BACH2: variants seen among roughly 807,000 people sequenced by gnomAD.
The protein encoded by BACH2 is BACH transcriptional regulator 2.
BACH2 carries 5 observed loss-of-function variants against 61.8 expected under a neutral mutation model. The ratio of observed to expected loss-of-function variants is 0.08; its 90% CI spans 0.04 to 0.17. The LOEUF is 0.17. BACH2 is among the 10% of genes least tolerant of loss of function. BACH2 has a pLI of 1.00. For missense variants in BACH2, 824 were observed against 1,091.1 expected, an observed-to-expected ratio of 0.76 and a Z score of 3.45; for synonymous variants, 446 against 440.1, an observed-to-expected ratio of 1.01 and a Z score of -0.17.
At chr6:90,160,617 G>A (rs1041642013) in intron 4 of BACH2, among the ~76,000 whole-genome samples, 3 of 152,182 alleles carry the variant, frequency 2.0e-5, no homozygotes, top group Admixed American at 6.5e-5. Flanking sequence ...AACAGTGTCT[G>A]TATACCTAAG....
At chr6:90,217,687 C>T (rs1393751358) in intron 3 of BACH2, among the ~76,000 whole-genome samples, 3 of 152,054 alleles carry the variant, frequency 2.0e-5, no homozygotes, top group East Asian at 3.9e-4. Context: ...CCAAACAAAG[C>T]TAATGCATGT....
intron 4 of BACH2, among the ~76,000 whole-genome samples, chr6:90,096,050 C>A (rs377485221): frequency 6.6e-6 from 1 of 152,124 alleles, no homozygotes; most frequent in Admixed American, 6.5e-5. Context: ...CCTTCTTCTG[C>A]GAAGGAAACA....
At chr6:90,262,134 T>C (rs1327600894) in intron 2 of BACH2, among the ~76,000 whole-genome samples, 1 of 152,222 alleles carries the variant, frequency 6.6e-6, no homozygotes, top group East Asian at 1.9e-4. Context: ...TCCTTCATAA[T>C]CAGTTTTAGT....
At chr6:89,970,162 C>T (rs934644178) in intron 6 of BACH2, among the ~76,000 whole-genome samples, 2 of 152,200 alleles carry the variant, frequency 1.3e-5, no homozygotes, top group African/African-American at 2.4e-5. Flanking sequence ...GGTCAGAGTT[C>T]GGAGGATGTG....
At chr6:89,960,365 C>A (rs575504950) in intron 6 of BACH2, among the ~76,000 whole-genome samples, 1 of 152,194 alleles carries the variant, frequency 6.6e-6, no homozygotes, top group Admixed American at 6.5e-5. Context: ...GTCTTCCGAC[C>A]GCAGAGTTCA....
intron 4 of BACH2, among the ~76,000 whole-genome samples, chr6:90,136,218 C>T (rs1185839046): frequency 2.0e-5 from 3 of 152,198 alleles, no homozygotes; most frequent in Non-Finnish European, 4.4e-5. Context: ...GAGATACCTA[C>T]ATAATTGACT....
intron 6 of BACH2, among the ~76,000 whole-genome samples, chr6:89,993,512 G>A (rs1776688250): frequency 6.6e-6 from 1 of 152,170 alleles, no homozygotes; most frequent in Non-Finnish European, 1.5e-5. Context: ...ATGGACCACC[G>A]AGTAGTTTGC....
intron 4 of BACH2, among the ~76,000 whole-genome samples, chr6:90,095,633 C>G (rs1782350995): frequency 6.6e-6 from 1 of 151,872 alleles, no homozygotes; most frequent in Admixed American, 6.6e-5. Flanking sequence ...CACTAACAAG[C>G]CAGAAAAATA....
chr6:90,177,352 T>C (rs1160763415), intron 4 of BACH2, among the ~76,000 whole-genome samples: 1 of 152,182 alleles, frequency 6.6e-6, no homozygotes, highest in Non-Finnish European at 1.5e-5. Context: ...AAAAAAACTA[T>C]CATCTATTGA....
intron 4 of BACH2, among the ~76,000 whole-genome samples, chr6:90,175,193 G>A (rs1767947095): frequency 1.3e-5 from 2 of 151,596 alleles, no homozygotes; most frequent in South Asian, 4.1e-4. Context: ...TAAAGTCAAT[G>A]TTACTTCAAG....
At chr6:89,999,157 A>T (rs1164314301) in intron 6 of BACH2, among the ~76,000 whole-genome samples, 1 of 152,270 alleles carries the variant, frequency 6.6e-6, no homozygotes, top group African/African-American at 2.4e-5. Context: ...AGGAAGCAAG[A>T]GAAATGAGAT....
At position 90,271,864 on chromosome 6, in the gene BACH2, G is replaced by A. The variant is rs1336729739; in HGVS notation, c.-368C>T. ...CTTGCCTCACCTGCTGTGCTTCAAG[G>A]GCTCATCAGCTTGGTCCCAAATGAT... On this transcript the variant is annotated 5_prime_UTR_variant, in exon 2 of 9. Transcript: ENST00000257749. 6.6e-6 allele frequency: 1 copy of A among 152,310 alleles called. No individual in the cohort carries two copies. The highest frequency in any genetic ancestry group is 1.5e-5 in the Non-Finnish European group (1 of 68,040). 9.4% of individuals were successfully genotyped at this position (152,310 alleles called of 1,614,324 possible). A position where few individuals can be genotyped will look rare whatever the true frequency, so the allele number is the denominator to read the frequency against.
At chr6:90,123,916 C>A (rs913883437) in intron 4 of BACH2, among the ~76,000 whole-genome samples, 17 of 151,186 alleles carry the variant, frequency 1.1e-4, no homozygotes, top group African/African-American at 3.9e-4. Flanking sequence ...AGGGAGGGTG[C>A]GACTCTCCTC....
At chr6:90,007,874 T>C (rs1417291020) in intron 6 of BACH2, among the ~76,000 whole-genome samples, 1 of 152,184 alleles carries the variant, frequency 6.6e-6, no homozygotes, top group Non-Finnish European at 1.5e-5. Flanking sequence ...CTTAGTCCCA[T>C]AGGAATGACG....
intron 4 of BACH2, among the ~76,000 whole-genome samples, chr6:90,169,042 T>G (rs1767724789): frequency 1.3e-5 from 2 of 152,302 alleles, no homozygotes; most frequent in Admixed American, 6.5e-5. Flanking sequence ...ATGGAAAGTA[T>G]CTGTGCCAAC....
chr6:90,043,508 C>T (rs1408772670), intron 5 of BACH2, among the ~76,000 whole-genome samples: 1 of 151,534 alleles, frequency 6.6e-6, no homozygotes, highest in East Asian at 1.9e-4. Context: ...CCCTCCCTTC[C>T]TCCCTCCCTT....
At position 90,047,871 on chromosome 6, in the gene BACH2, G is replaced by T. The variant is rs183760191; in HGVS notation, c.-12-39015C>A. ...AATCCTAGACAATTGATTCTCAAAG[G>T]TCTCAAATCATCTGGTGTCTAAAGG... On this transcript the variant is annotated intron_variant, in intron 5 of 8. Transcript: ENST00000257749. Among the ~76,000 whole-genome samples the T allele has an allele frequency of 3.2e-4, 48 of 152,194 alleles. No individual in the cohort carries two copies. In the East Asian group the frequency reaches 8.3e-3, roughly 26 times the overall value.
At chr6:90,094,861 TAC>T (rs111697212) in intron 4 of BACH2, among the ~76,000 whole-genome samples, 8 of 150,708 alleles carry the variant, frequency 5.3e-5, no homozygotes, top group Non-Finnish European at 8.9e-5. Flanking sequence ...TCCACAACTA[TAC>T]ACACACACAC....
At position 90,062,761 on chromosome 6, in the gene BACH2, T is replaced by C. The variant is rs1468345461; in HGVS notation, c.-13+26200A>G. On this transcript the variant is annotated intron_variant, in intron 5 of 8. Coordinates refer to ENST00000257749, the MANE Select transcript of BACH2 (RefSeq NM_021813.4). ...TGCCTCTTTCCCTTCTCTCCAACTG[T>C]TTTTTTTTTTTCCCTAAAGTGTAGT... 3.5e-5 allele frequency: 3 copies of C among 85,924 alleles called. No individual in the cohort carries two copies. The Admixed American group carries it at 4.3e-4, about 12-fold the overall frequency. The allele number at this position is 85,924 out of a possible 1,614,324, so 5.3% of individuals were successfully genotyped here. A position where few individuals can be genotyped will look rare whatever the true frequency, so the allele number is the denominator to read the frequency against.
Sources: allele counts gnomAD v4.1 joint callset (sites outside exome capture counted in the v4.1 genomes callset), GRCh38; gene constraint gnomAD v4.1.1; transcripts MANE v1.5; gene names NCBI Gene and HGNC (gene_info 2026-07-23, HGNC 2026-07-21).